Variants in ZFYVE28 observed in about 807,000 individuals in gnomAD.
ZFYVE28 encodes the protein zinc finger FYVE-type containing 28.
A neutral mutation model predicts 82.1 loss-of-function variants in ZFYVE28; 40 were observed. That is an observed-to-expected ratio of 0.49 (90% CI 0.38 to 0.63). ZFYVE28 has a LOEUF of 0.63. Ranked by LOEUF, ZFYVE28 falls within the 30% of genes least tolerant of loss-of-function variation. ZFYVE28 has a pLI of 0.00. For synonymous variants in ZFYVE28, 612 were observed against 546.1 expected (o/e 1.12, Z -1.68); for missense variants, 1,321 against 1,242.1 (o/e 1.06, Z -0.96).
chr4:2,320,834 GC>G lies in ZFYVE28; in HGVS notation c.702-564del, dbSNP rs1252350347. Among the ~76,000 whole-genome samples, 7 of 152,012 alleles carry G rather than the reference GC, an allele frequency of 4.6e-5. No individual in the cohort carries two copies. The highest frequency in any genetic ancestry group is 1.0e-4 in the Non-Finnish European group (7 of 67,992). ...CCACCTCCCTTGTGGTGCCCACCAT[GC>G]CCCGAGAAGCTCCCCTCCCCAGGAC... is the stretch of plus-strand genomic sequence containing the variant. On this transcript the variant is annotated intron_variant, in intron 6 of 12. Transcript: ENST00000290974. This position sits in a 1 kb window ranked among gnomAD's most constrained non-coding sequence, Gnocchi z 5.1.
chr4:2,301,636 G>A (rs766626998), intron 8 of ZFYVE28, among the ~76,000 whole-genome samples: 5 of 131,874 alleles, frequency 3.8e-5, no homozygotes, highest in African/African-American at 8.9e-5. Flanking sequence ...GGGGGTGGGC[G>A]TCCACTGGCT....
At chr4:2,351,023 T>C (rs1433240646) in intron 2 of ZFYVE28, among the ~76,000 whole-genome samples, 2 of 152,304 alleles carry the variant, frequency 1.3e-5, no homozygotes, top group East Asian at 3.9e-4. Context: ...TACAAATTTA[T>C]CCAACCCAGA....
intron 2 of ZFYVE28, among the ~76,000 whole-genome samples, chr4:2,353,101 C>T (rs1199234058): frequency 6.6e-6 from 1 of 152,220 alleles, no homozygotes; most frequent in African/African-American, 2.4e-5. Flanking sequence ...TGCCACTGAA[C>T]AGCCCAAAAA....
intron 7 of ZFYVE28, among the ~76,000 whole-genome samples, chr4:2,308,404 T>C (rs533124486): frequency 1.3e-5 from 2 of 149,282 alleles, no homozygotes; most frequent in East Asian, 3.9e-4. Context: ...CCATTGAGAG[T>C]AGAACAGACA....
At position 2,341,210 on chromosome 4, in the gene ZFYVE28, T is replaced by A. The variant is rs1416068663; in HGVS notation, c.318+268A>T. On this transcript the variant is annotated intron_variant, in intron 3 of 12. Coordinates refer to ENST00000290974, the MANE Select transcript of ZFYVE28 (RefSeq NM_020972.3). The surrounding 1 kb of genome is among the most constrained non-coding windows in gnomAD (Gnocchi z 4.5). ...AAAAACCACTTTTAGGTCCTGGCTG[T>A]CTGGGGGCCTGTGAACCTCATAAAA... The A allele has an allele frequency of 1.5e-5, 8 of 540,994 alleles. No homozygotes were observed. Among genetic ancestry groups the A allele is most frequent in the African/African-American group, 5.7e-5 (3 of 52,658 alleles). 33.5% of individuals were successfully genotyped at this position (540,994 alleles called of 1,614,324 possible).
At chr4:2,319,990 G>A (rs1718829129) in intron 7 of ZFYVE28, among the ~76,000 whole-genome samples, 180 bp downstream of exon 7, 1 of 152,182 alleles carries the variant, frequency 6.6e-6, no homozygotes, top group South Asian at 2.1e-4. Context: ...AGGGGCAAAA[G>A]CCAGGACTCT....
Position 2,304,635 on chromosome 4 carries a change from T to C in ZFYVE28, c.1705A>G (p.Ser569Gly). ...ACGTCCTCCCTGCTGTCCCCGCAGC[T>C]CCCACAGCACACGCAGGAATGCAGA... is the stretch of plus-strand genomic sequence containing the variant. The part of the protein sequence containing the change: ...CLLHSCVCCG[S>G]CGDSREDVVE... Residue 569 changes from serine (S) to glycine (G), a missense_variant, in exon 8 of 13, where the codon AGC becomes GGC. By Grantham distance (56) the Ser-to-Gly change is moderately conservative. This residue lies in a region of ZFYVE28 where 978 missense variants were observed against 833.7 expected (regional missense o/e 1.17). Coordinates refer to ENST00000290974, the MANE Select transcript of ZFYVE28 (RefSeq NM_020972.3). 1.2e-6 allele frequency: 2 copies of C among 1,612,580 alleles called. No individual in the cohort carries two copies. The highest frequency in any genetic ancestry group is 8.5e-7 in the Non-Finnish European group (1 of 1,179,888).
Position 2,339,790 on chromosome 4 carries a change from G to T in ZFYVE28, c.319-135C>A, listed in dbSNP as rs1722478747. On this transcript the variant is annotated intron_variant, in intron 3 of 12. Coordinates refer to ENST00000290974, the MANE Select transcript of ZFYVE28 (RefSeq NM_020972.3). The surrounding 1 kb of genome is among the most constrained non-coding windows in gnomAD (Gnocchi z 5.0). Reference sequence around the variant, plus strand: ...CAGCACAGGCCAGCTCGTGTTCCCGGTCCCCGCAGGAGGTTTTTCTTACAT... The same window carrying T: ...CAGCACAGGCCAGCTCGTGTTCCCGTTCCCCGCAGGAGGTTTTTCTTACAT... 1 of 751,510 alleles carries T rather than the reference G, an allele frequency of 1.3e-6. No homozygotes were observed. Among genetic ancestry groups the T allele is most frequent in the African/African-American group, 1.8e-5 (1 of 56,626 alleles). 46.6% of individuals were successfully genotyped at this position (751,510 alleles called of 1,614,324 possible). A position where few individuals can be genotyped will look rare whatever the true frequency, so the allele number is the denominator to read the frequency against.
At chr4:2,313,994 G>A (rs1472493392) in intron 7 of ZFYVE28, among the ~76,000 whole-genome samples, 4 of 152,102 alleles carry the variant, frequency 2.6e-5, no homozygotes, top group African/African-American at 7.2e-5. Flanking sequence ...GTTATAGAGA[G>A]GTAAATTAAA....
chr4:2,381,456 G>C (rs757768398), intron 1 of ZFYVE28, among the ~76,000 whole-genome samples: 1 of 152,152 alleles, frequency 6.6e-6, no homozygotes, highest in Non-Finnish European at 1.5e-5. Context: ...ACCCAGGCTG[G>C]AGTGCAATGG....
intron 1 of ZFYVE28, among the ~76,000 whole-genome samples, chr4:2,413,537 C>T (rs1474631145): frequency 3.3e-5 from 5 of 152,028 alleles, no homozygotes; most frequent in African/African-American, 1.2e-4. Context: ...GCCAGGCGCC[C>T]GCCAGGAGAG....
At chr4:2,275,005 G>A (rs565378169) in intron 8 of ZFYVE28, among the ~76,000 whole-genome samples, 4 of 150,638 alleles carry the variant, frequency 2.7e-5, no homozygotes, top group South Asian at 2.1e-4. Context: ...CTCAAGAAAC[G>A]AATACAGGAT....
intron 1 of ZFYVE28, chr4:2,364,747 T>C: frequency 1.0e-6 from 1 of 985,494 alleles, no homozygotes; most frequent in Non-Finnish European, 1.2e-6. Flanking sequence ...GAGCATAACG[T>C]TGTGCATTCC....
At chr4:2,371,855 C>G (rs373410314) in intron 1 of ZFYVE28, among the ~76,000 whole-genome samples, 40 of 151,086 alleles carry the variant, frequency 2.6e-4, no homozygotes, top group Middle Eastern at 3.4e-3. Context: ...GCCCGCCCCC[C>G]ACCCAGCGTG....
intron 6 of ZFYVE28, among the ~76,000 whole-genome samples, chr4:2,323,975 A>G (rs1719487085): frequency 6.6e-6 from 1 of 152,170 alleles, no homozygotes; most frequent in Non-Finnish European, 1.5e-5. Context: ...AATTTTGATG[A>G]AGTCCAGTTT....
intron 8 of ZFYVE28, among the ~76,000 whole-genome samples, chr4:2,291,047 G>A (rs937213148): frequency 6.6e-6 from 1 of 152,220 alleles, no homozygotes; most frequent in Admixed American, 6.5e-5. Context: ...GTGTGCTCCT[G>A]CCCCCGGCAC....
intron 8 of ZFYVE28, among the ~76,000 whole-genome samples, chr4:2,302,988 G>A (rs980124132): frequency 4.6e-5 from 7 of 152,198 alleles, no homozygotes; most frequent in African/African-American, 1.2e-4. Context: ...CCGAGCCATC[G>A]TAAGTCTGGA....
At chr4:2,369,077 G>A (rs1727215751) in intron 1 of ZFYVE28, among the ~76,000 whole-genome samples, 1 of 152,188 alleles carries the variant, frequency 6.6e-6, no homozygotes, top group Non-Finnish European at 1.5e-5. Flanking sequence ...GATGACACTG[G>A]GCACCCTTCA....
Position 2,300,218 on chromosome 4 carries a change from C to T in ZFYVE28, c.2051+4071G>A, listed in dbSNP as rs1373915874. Among the ~76,000 whole-genome samples, 2 of 152,138 alleles carry T rather than the reference C, an allele frequency of 1.3e-5. No homozygotes were observed. Among genetic ancestry groups the T allele is most frequent in the African/African-American group, 2.4e-5 (1 of 41,422 alleles). ...GGCTGGAAATCCACTTCATGGTGTCCCTGGAAGGAACAGACAACCAGCCTG... is the reference window on the plus strand; with the variant it reads ...GGCTGGAAATCCACTTCATGGTGTCTCTGGAAGGAACAGACAACCAGCCTG... On this transcript the variant is annotated intron_variant, in intron 8 of 12. Coordinates refer to ENST00000290974, the MANE Select transcript of ZFYVE28 (RefSeq NM_020972.3). This position sits in a 1 kb window ranked among gnomAD's most constrained non-coding sequence, Gnocchi z 4.6.
Sources: allele counts gnomAD v4.1 joint callset (sites outside exome capture counted in the v4.1 genomes callset), GRCh38; gene constraint gnomAD v4.1.1; regional missense constraint gnomAD v4.1.1; non-coding constraint Gnocchi (gnomAD v3.1); transcripts MANE v1.5; gene names NCBI Gene and HGNC (gene_info 2026-07-23, HGNC 2026-07-21).